The following NUP88 variants were observed in gnomAD, a reference collection of about 807,000 sequenced individuals.
NUP88 encodes the protein nuclear pore complex protein Nup88.
NUP88 carries 57 observed loss-of-function variants against 93.9 expected under a neutral mutation model. The observed-to-expected ratio is 0.61, with a 90% CI of 0.49 to 0.76. The LOEUF (loss-of-function observed/expected upper bound fraction) is 0.76, where lower values mean the gene tolerates loss of function less well. Among genes scored for constraint, NUP88 ranks in the 30% least tolerant of loss-of-function variants. The pLI, the probability that NUP88 is intolerant of heterozygous loss-of-function variation, is 0.00. For synonymous variants in NUP88, 346 were observed against 336.8 expected, an observed-to-expected ratio of 1.03 and a Z score of -0.30; for missense variants, 911 against 901.0, an observed-to-expected ratio of 1.01 and a Z score of -0.14.
At chr17:5,393,475 C>T (rs1912575426) in intron 9 of NUP88, among the ~76,000 whole-genome samples, 1 of 134,190 alleles carries the variant, frequency 7.5e-6, no homozygotes, top group South Asian at 2.4e-4. Context: ...CTCACTCTGT[C>T]ACCCAGACTG....
At chr17:5,416,194 C>CAT (rs1914140961) in intron 2 of NUP88, among the ~76,000 whole-genome samples, 1 of 131,912 alleles carries the variant, frequency 7.6e-6, no homozygotes, top group African/African-American at 2.7e-5. Context: ...CACATACACA[C>CAT]ACACACACAC....
chr17:5,407,766 A>T (rs531970012), intron 5 of NUP88, among the ~76,000 whole-genome samples: 2 of 152,136 alleles, frequency 1.3e-5, no homozygotes, highest in Admixed American at 1.3e-4. Context: ...TTCATGGCAT[A>T]CTCCCTTATC....
Position 5,416,048 on chromosome 17 carries a change from G to C in NUP88, c.467+465C>G, listed in dbSNP as rs564452160. On this transcript the variant is annotated intron_variant, in intron 2 of 16. Transcript: ENST00000573584. ...TAATCCCAGTTACTCGGGAGGCTGA[G>C]GCAGAAGAATCGCTTGAATCCAGGA... 4.4e-5 allele frequency among the ~76,000 whole-genome samples: 6 copies of C among 135,628 alleles called. No individual in the cohort carries two copies. In the South Asian group the frequency reaches 1.7e-3, roughly 38 times the overall value. The allele number at this position is 135,628 out of a possible 152,430, so 89.0% of individuals were successfully genotyped here. A position where few individuals can be genotyped will look rare whatever the true frequency, so the allele number is the denominator to read the frequency against.
chr17:5,403,460 GA>G (rs952789606), intron 7 of NUP88, among the ~76,000 whole-genome samples: 12 of 152,268 alleles, frequency 7.9e-5, no homozygotes, highest in African/African-American at 1.9e-4. Flanking sequence ...CTGGGCAACA[GA>G]GCGAGACTCC....
rs778946446 is a variant in NUP88, at chr17:5,387,485, A to C, written c.1836-19T>G. On this transcript the variant is annotated intron_variant, in intron 13 of 16. Transcript: ENST00000573584. ...ACTTTTCCTAATGATGTAAGACACAAGAGACTCTTGAGGTCCACCCCTTGA... is the reference window on the plus strand; with the variant it reads ...ACTTTTCCTAATGATGTAAGACACACGAGACTCTTGAGGTCCACCCCTTGA... The C allele has an allele frequency of 6.8e-6, 11 of 1,613,000 alleles. No homozygotes were observed. The South Asian group carries it at 8.8e-5, about 13-fold the overall frequency.
chr17:5,386,576 G>T, intron 16 of NUP88, 132 bp downstream of exon 16: 1 of 729,650 alleles, frequency 1.4e-6, no homozygotes, highest in Non-Finnish European at 2.4e-6. Flanking sequence ...TATGTATCAT[G>T]TGGCTCTCAT....
intron 9 of NUP88, among the ~76,000 whole-genome samples, chr17:5,392,807 T>G (rs181460632): frequency 8.9e-4 from 136 of 152,338 alleles, no homozygotes; most frequent in African/African-American, 3.2e-3. Context: ...GGGGTTTTTT[T>G]GAGATAGGGT....
rs1911929580 is a variant in NUP88, at chr17:5,386,036, TAAATA to T, written c.*165_*169del. ...GAGTTATAAAGCACATTCCAAATTT[TAAATA>T]AAAGCATTTACTCAATTATTATAAA... is the stretch of plus-strand genomic sequence containing the variant. On this transcript the variant is annotated 3_prime_UTR_variant, in exon 17 of 17. Coordinates refer to ENST00000573584, the MANE Select transcript of NUP88 (RefSeq NM_002532.6). The T allele has an allele frequency of 1.8e-6, 1 of 560,756 alleles. No homozygotes were observed. Among genetic ancestry groups the T allele is most frequent in the South Asian group, 2.7e-5 (1 of 36,432 alleles). 34.7% of individuals were successfully genotyped at this position (560,756 alleles called of 1,614,324 possible). A position where few individuals can be genotyped will look rare whatever the true frequency, so the allele number is the denominator to read the frequency against.
chr17:5,386,237 A>G lies in NUP88; in HGVS notation c.2195T>C (p.Ile732Thr), dbSNP rs1336110751. 6.2e-7 allele frequency: 1 copy of G among 1,613,442 alleles called. No homozygotes were observed. Among genetic ancestry groups the G allele is most frequent in the Admixed American group, 1.7e-5 (1 of 59,830 alleles). The stretch of plus-strand genomic sequence containing the variant: ...GTTTACATGATTGCGGATATCATTG[A>G]TTTGCTTCACCATTTCCCTTATATG... ...GEHIREMVKQ[I>T]NDIRNHVNF Residue 732 changes from isoleucine (I) to threonine (T), a missense_variant, in exon 17 of 17, where the codon ATC (isoleucine) becomes ACC (threonine). By Grantham distance (89) the Ile-to-Thr change is moderately conservative (BLOSUM62 -1). Coordinates refer to ENST00000573584, the MANE Select transcript of NUP88 (RefSeq NM_002532.6).
chr17:5,400,420 C>T (rs1254018501), intron 7 of NUP88, among the ~76,000 whole-genome samples: 3 of 146,274 alleles, frequency 2.1e-5, no homozygotes, highest in East Asian at 2.0e-4. Context: ...CACTTGAACC[C>T]GGGAGGTGGA....
chr17:5,390,895 T>C (rs1464314930), intron 10 of NUP88, among the ~76,000 whole-genome samples: 1 of 152,088 alleles, frequency 6.6e-6, no homozygotes, highest in African/African-American at 2.4e-5. Context: ...GGGGTCTCAC[T>C]GTTTTGCCCA....
At chr17:5,402,114 C>G (rs1429939758) in intron 7 of NUP88, among the ~76,000 whole-genome samples, 4 of 152,156 alleles carry the variant, frequency 2.6e-5, no homozygotes, top group African/African-American at 9.7e-5. Context: ...CGAGACCAGC[C>G]TGACCAACAT....
chr17:5,395,300 G>C (rs1041187272), intron 8 of NUP88, among the ~76,000 whole-genome samples: 1 of 147,744 alleles, frequency 6.8e-6, no homozygotes, highest in Non-Finnish European at 1.5e-5. Context: ...AAATGCTTGG[G>C]ATCAGAAGTG....
intron 7 of NUP88, among the ~76,000 whole-genome samples, chr17:5,402,689 G>T (rs928750522): frequency 6.6e-6 from 1 of 152,086 alleles, no homozygotes; most frequent in Non-Finnish European, 1.5e-5. Context: ...TGCAGTGAAT[G>T]ACACGATTTC....
At chr17:5,396,844 T>G (rs1054676277) in intron 8 of NUP88, among the ~76,000 whole-genome samples, 2 of 152,254 alleles carry the variant, frequency 1.3e-5, no homozygotes, top group African/African-American at 4.8e-5. Context: ...ACGTGATACC[T>G]CATTGTGGTT....
chr17:5,391,141 C>T (rs1210549042), intron 10 of NUP88, among the ~76,000 whole-genome samples: 1 of 152,162 alleles, frequency 6.6e-6, no homozygotes, highest in Non-Finnish European at 1.5e-5. Flanking sequence ...CTCTCGATCC[C>T]CGTTTCCACT....
At chr17:5,407,060 A>G (rs538920083) in intron 5 of NUP88, among the ~76,000 whole-genome samples, 1 of 152,314 alleles carries the variant, frequency 6.6e-6, no homozygotes, top group South Asian at 2.1e-4. Flanking sequence ...GGAAGGTACT[A>G]AAGTTACCAC....
intron 9 of NUP88, among the ~76,000 whole-genome samples, chr17:5,394,120 G>C (rs1442857523): frequency 1.3e-5 from 2 of 152,168 alleles, no homozygotes; most frequent in Non-Finnish European, 2.9e-5. Flanking sequence ...CTGGGTATGT[G>C]AATCTGGAGT....
rs770604256 is a variant in NUP88, at chr17:5,405,150, T to C, written c.951A>G (p.Leu317=). The C allele has an allele frequency of 6.2e-6, 10 of 1,614,026 alleles. No homozygotes were observed. In the African/African-American group the frequency reaches 1.3e-4, roughly 22 times the overall value. The part of the protein sequence containing the change: ...YGYDACAVLC[L]PCVPNILVIA... ...TCACTAAGATATTGGGGACACAGGGTAAGCAGAGTACAGCACACGCATCAT... is the reference window on the plus strand; with the variant it reads ...TCACTAAGATATTGGGGACACAGGGCAAGCAGAGTACAGCACACGCATCAT... The change falls in exon 6 of 17, where the codon TTA becomes TTG. Residue 317 remains leucine, a synonymous_variant. Coordinates refer to ENST00000573584, the MANE Select transcript of NUP88 (RefSeq NM_002532.6).
Sources: gnomAD v4.1 joint callset for allele counts (sites outside exome capture counted in the v4.1 genomes callset) on GRCh38, gnomAD v4.1.1 for gene constraint, MANE v1.5 for transcripts, NCBI Gene and HGNC (gene_info 2026-07-23, HGNC 2026-07-21) for gene names.